TMEM135: variants seen among roughly 807,000 people sequenced by gnomAD.
TMEM135 encodes the protein peroxisomal membrane protein 52.
In TMEM135, 30 loss-of-function variants were observed where a neutral mutation model predicts 60.3. The ratio of observed to expected loss-of-function variants is 0.50; its 90% CI spans 0.37 to 0.68. The LOEUF (loss-of-function observed/expected upper bound fraction) is 0.68, where lower values mean the gene tolerates loss of function less well. TMEM135 is among the 30% of genes least tolerant of loss of function. TMEM135 has a pLI of 0.00. For missense variants in TMEM135, 468 were observed against 548.8 expected, an observed-to-expected ratio of 0.85 and a Z score of 1.47; for synonymous variants, 190 against 186.7, an observed-to-expected ratio of 1.02 and a Z score of -0.14.
In TMEM135 at chr11:87,053,879, G is replaced by C. The variant is rs555288974; in HGVS notation, c.142-13815G>C. Among the ~76,000 whole-genome samples the C allele has an allele frequency of 3.9e-5, 6 of 152,204 alleles. No homozygotes were observed. In the East Asian group the frequency reaches 1.2e-3, roughly 29 times the overall value. On this transcript the variant is annotated intron_variant, in intron 1 of 14. Coordinates refer to ENST00000305494, the MANE Select transcript of TMEM135 (RefSeq NM_022918.4). Reference sequence around the variant, plus strand: ...TAGTTTTCTTTCTACTCATTGATATGCTCTTAATGTTGTGATTGAGATTTG... The same window carrying C: ...TAGTTTTCTTTCTACTCATTGATATCCTCTTAATGTTGTGATTGAGATTTG...
At chr11:87,184,582 C>G (rs935647470) in intron 5 of TMEM135, among the ~76,000 whole-genome samples, 1 of 152,142 alleles carries the variant, frequency 6.6e-6, no homozygotes. Flanking sequence ...ATAGATATGA[C>G]AAATTGTGTG....
chr11:87,269,280 G>GTT (rs374547199), intron 6 of TMEM135, among the ~76,000 whole-genome samples: 11,865 of 115,132 alleles, frequency 0.1, 615 homozygotes, highest in East Asian at 0.14. Context: ...TTGCTTTAGG[G>GTT]TTTTTTTTTT....
At chr11:87,226,497 A>C (rs1054152887) in intron 5 of TMEM135, among the ~76,000 whole-genome samples, 10 of 152,306 alleles carry the variant, frequency 6.6e-5, no homozygotes, top group Non-Finnish European at 1.0e-4. Flanking sequence ...CGGAATTAGA[A>C]TTTTGTTGTA....
At chr11:87,112,097 T>G (rs187222702) in intron 4 of TMEM135, among the ~76,000 whole-genome samples, 1 of 152,108 alleles carries the variant, frequency 6.6e-6, no homozygotes, top group Non-Finnish European at 1.5e-5. Flanking sequence ...TTATTTATGG[T>G]TTTTTAATTA....
intron 1 of TMEM135, among the ~76,000 whole-genome samples, chr11:87,047,537 G>A (rs1949808354): frequency 1.4e-5 from 2 of 146,530 alleles, no homozygotes; most frequent in African/African-American, 5.2e-5. Flanking sequence ...CCCTTTCCGA[G>A]TCAAAGAAAG....
At chr11:87,185,219 G>A (rs1212915535) in intron 5 of TMEM135, among the ~76,000 whole-genome samples, 2 of 151,934 alleles carry the variant, frequency 1.3e-5, no homozygotes, top group South Asian at 2.1e-4. Context: ...CCTTATTATC[G>A]TATTTAGTCA....
At chr11:87,055,676 C>T (rs1488489664) in intron 1 of TMEM135, among the ~76,000 whole-genome samples, 2 of 152,000 alleles carry the variant, frequency 1.3e-5, no homozygotes, top group Admixed American at 6.6e-5. Context: ...CGCCAACCTC[C>T]GCCTCCTAGG....
At chr11:87,240,523 ACAG>A (rs1356724953) in intron 6 of TMEM135, among the ~76,000 whole-genome samples, 1 of 101,578 alleles carries the variant, frequency 9.8e-6, no homozygotes, top group African/African-American at 3.7e-5. Context: ...GGTCTTCCCA[ACAG>A]TCATGTAGAA....
chr11:87,251,634 T>A (rs1387764061), intron 6 of TMEM135, among the ~76,000 whole-genome samples: 2 of 152,016 alleles, frequency 1.3e-5, no homozygotes, highest in Non-Finnish European at 2.9e-5. Context: ...TATATATGTA[T>A]ATAAATTTCC....
chr11:87,165,552 CA>C (rs1939012295), intron 5 of TMEM135, among the ~76,000 whole-genome samples: 1 of 146,626 alleles, frequency 6.8e-6, no homozygotes. Flanking sequence ...ATGCTGGCCT[CA>C]TAAAATGAGT....
chr11:87,296,957 C>T (rs1942357526), intron 7 of TMEM135, among the ~76,000 whole-genome samples: 1 of 151,790 alleles, frequency 6.6e-6, no homozygotes, highest in Non-Finnish European at 1.5e-5. Flanking sequence ...TATGGAAGAC[C>T]TAGGGGAGAA....
At position 87,302,350 on chromosome 11, in the gene TMEM135, A is replaced by AT; in HGVS notation, c.607dup (p.Tyr203LeufsTer12). On this transcript the variant is annotated frameshift_variant, in exon 8 of 15. Coordinates refer to ENST00000305494, the MANE Select transcript of TMEM135 (RefSeq NM_022918.4). LOFTEE classifies it high-confidence loss of function. ...CACATTCTTTTTCACCAGAGGCAGC[A>AT]TATGCAAAAGTGGAACAAAAGAGAG... 6.2e-7 allele frequency: 1 copy of AT among 1,613,946 alleles called. No homozygotes were observed. Among genetic ancestry groups the AT allele is most frequent in the Non-Finnish European group, 8.5e-7 (1 of 1,179,920 alleles).
chr11:87,161,111 C>T (rs1938865231), intron 5 of TMEM135, among the ~76,000 whole-genome samples: 1 of 152,038 alleles, frequency 6.6e-6, no homozygotes, highest in Non-Finnish European at 1.5e-5. Context: ...TGTTGGCCAG[C>T]ATGGTCTCCA....
chr11:87,129,833 G>A (rs1172076504), intron 4 of TMEM135, among the ~76,000 whole-genome samples: 3 of 152,016 alleles, frequency 2.0e-5, no homozygotes, highest in Non-Finnish European at 2.9e-5. Context: ...GAGCCATTGC[G>A]CTCGGCTGTT....
intron 6 of TMEM135, among the ~76,000 whole-genome samples, chr11:87,269,594 T>A (rs1298575654): frequency 6.7e-6 from 1 of 149,506 alleles, no homozygotes; most frequent in Non-Finnish European, 1.5e-5. Context: ...GAACATGTGG[T>A]GTTTGGTTTT....
At chr11:87,198,037 G>A (rs1171447059) in intron 5 of TMEM135, among the ~76,000 whole-genome samples, 1 of 151,870 alleles carries the variant, frequency 6.6e-6, no homozygotes, top group Non-Finnish European at 1.5e-5. Flanking sequence ...GAATATTTGG[G>A]GTATCCATCA....
chr11:87,081,299 AT>A (rs35860099), intron 3 of TMEM135, among the ~76,000 whole-genome samples: 61,359 of 148,974 alleles, frequency 0.41, 13,535 homozygotes, highest in East Asian at 0.66. Flanking sequence ...GTATTGTTTG[AT>A]TTTTTTTGTT....
intron 5 of TMEM135, among the ~76,000 whole-genome samples, chr11:87,232,474 A>G (rs1299842203): frequency 6.6e-6 from 1 of 151,440 alleles, no homozygotes; most frequent in Non-Finnish European, 1.5e-5. Context: ...AGACTACCCC[A>G]GGCACATCAT....
chr11:87,085,555 G>A (rs1338145675), intron 3 of TMEM135, among the ~76,000 whole-genome samples: 1 of 152,062 alleles, frequency 6.6e-6, no homozygotes, highest in Non-Finnish European at 1.5e-5. Flanking sequence ...TCAGGATTTC[G>A]AGACCAGCCT....
Sources: allele counts gnomAD v4.1 joint callset (sites outside exome capture counted in the v4.1 genomes callset), GRCh38; gene constraint gnomAD v4.1.1; transcripts MANE v1.5; gene names NCBI Gene and HGNC (gene_info 2026-07-23, HGNC 2026-07-21).